The following FSTL4 variants were observed in gnomAD, a reference collection of about 807,000 sequenced individuals.
FSTL4 encodes the protein follistatin-related protein 4.
FSTL4 carries 28 observed loss-of-function variants against 78.2 expected under a neutral mutation model. The observed-to-expected ratio is 0.36, with a 90% confidence interval of 0.27 to 0.49. The LOEUF is 0.49. Among genes scored for constraint, FSTL4 ranks in the 20% least tolerant of loss-of-function variants. The probability of loss-of-function intolerance (pLI) is 0.98; values close to 1 mark genes in which losing one functional copy is unlikely to be tolerated. For missense variants in FSTL4, 922 were observed against 1,084.9 expected, an observed-to-expected ratio of 0.85 and a Z score of 2.11; for synonymous variants, 422 against 440.5, an observed-to-expected ratio of 0.96 and a Z score of 0.53.
At chr5:133,206,158 A>C (rs751306041) in intron 14 of FSTL4, among the ~76,000 whole-genome samples, 7 of 148,474 alleles carry the variant, frequency 4.7e-5, no homozygotes, top group Non-Finnish European at 8.9e-5. Flanking sequence ...TTCAAGTAAA[A>C]TTATCTATAT....
At chr5:133,565,198 C>T (rs1760000524) in intron 3 of FSTL4, among the ~76,000 whole-genome samples, 1 of 152,152 alleles carries the variant, frequency 6.6e-6, no homozygotes, top group Non-Finnish European at 1.5e-5. Flanking sequence ...GGGAACCAAC[C>T]CAGGTGTTCA....
chr5:133,716,072 G>T, the FSTL4 span, among the ~76,000 whole-genome samples: 1 of 152,162 alleles, frequency 6.6e-6, no homozygotes, highest in African/African-American at 2.4e-5. Context: ...AGCAAGTACT[G>T]GTTCAAATGC....
chr5:133,438,850 C>T (rs527284303), intron 3 of FSTL4, among the ~76,000 whole-genome samples: 1 of 152,308 alleles, frequency 6.6e-6, no homozygotes, highest in East Asian at 1.9e-4. Context: ...AGGTATCTGG[C>T]TGCAGGCTAA....
At chr5:133,560,024 A>G (rs778086430) in intron 3 of FSTL4, among the ~76,000 whole-genome samples, 77 of 152,124 alleles carry the variant, frequency 5.1e-4, no homozygotes, top group Non-Finnish European at 7.4e-4. Flanking sequence ...GGCATCTAAC[A>G]CTTTTTCAGT....
At chr5:133,651,862 A>G in the FSTL4 span, among the ~76,000 whole-genome samples, 25 of 152,144 alleles carry the variant, frequency 1.6e-4, no homozygotes, top group East Asian at 4.4e-3. Context: ...AACTTTATAT[A>G]ATTTTTTCCT....
At chr5:133,354,424 C>T (rs1164296103) in intron 4 of FSTL4, among the ~76,000 whole-genome samples, 1 of 152,202 alleles carries the variant, frequency 6.6e-6, no homozygotes, top group Non-Finnish European at 1.5e-5. Context: ...GAAGCTCCTC[C>T]AGCTCAGCCC....
chr5:133,486,104 C>G (rs189432076), intron 3 of FSTL4, among the ~76,000 whole-genome samples: 2 of 151,990 alleles, frequency 1.3e-5, no homozygotes, highest in African/African-American at 4.8e-5. Context: ...AAAACACGGG[C>G]TCATGGAGGA....
chr5:133,598,737 G>T lies in FSTL4; in HGVS notation c.126+5121C>A, dbSNP rs151248147. Among the ~76,000 whole-genome samples the T allele has an allele frequency of 7.0e-4, 106 of 152,312 alleles. 1 individual carries two copies. The highest frequency in any genetic ancestry group is 1.1e-3 in the Non-Finnish European group (78 of 68,028). On this transcript the variant is annotated intron_variant, in intron 2 of 15. Transcript: ENST00000265342. ...TTATCCCAGGGTCCACGGCCCTGGG[G>T]AGACCATTCTCGCCTCTTGCTGAGA...
chr5:133,524,409 T>G (rs1759047249), intron 3 of FSTL4, among the ~76,000 whole-genome samples: 5 of 151,920 alleles, frequency 3.3e-5, no homozygotes, highest in Admixed American at 6.6e-5. Flanking sequence ...AGAGCCAGAG[T>G]CACAGCCTCT....
chr5:133,399,057 C>T (rs1474887869), intron 4 of FSTL4, among the ~76,000 whole-genome samples: 1 of 152,172 alleles, frequency 6.6e-6, no homozygotes, highest in Non-Finnish European at 1.5e-5. Context: ...GCTGGTTTTT[C>T]CCTCCCATTA....
At chr5:133,308,949 A>G (rs1168001590) in intron 6 of FSTL4, among the ~76,000 whole-genome samples, 1 of 152,202 alleles carries the variant, frequency 6.6e-6, no homozygotes, top group Non-Finnish European at 1.5e-5. Flanking sequence ...TTGATCTCAT[A>G]GGAGTAATTA....
Position 133,551,131 on chromosome 5 carries a change from T to C in FSTL4, c.160+16055A>G, listed in dbSNP as rs192999753. Among the ~76,000 whole-genome samples the C allele has an allele frequency of 1.3e-3, 195 of 152,260 alleles. 3 individuals carry two copies. Among genetic ancestry groups the C allele is most frequent in the African/African-American group, 4.5e-3 (185 of 41,564 alleles). ...AAGTTCTTTCATAGCAGTCAAGCAA[T>C]TGGGAATGAACCATCCTAAAGACAA... On this transcript the variant is annotated intron_variant, in intron 3 of 15. Transcript: ENST00000265342.
intron 3 of FSTL4, among the ~76,000 whole-genome samples, chr5:133,530,461 G>C (rs1367386648): frequency 6.6e-6 from 1 of 152,232 alleles, no homozygotes; most frequent in African/African-American, 2.4e-5. Flanking sequence ...TCAGTCACGT[G>C]ACATGCATTG....
At chr5:133,364,784 CA>C (rs1335011910) in intron 4 of FSTL4, among the ~76,000 whole-genome samples, 3 of 152,170 alleles carry the variant, frequency 2.0e-5, no homozygotes, top group Non-Finnish European at 4.4e-5. Flanking sequence ...CCCTTATCTC[CA>C]AAGCCCACCG....
intron 6 of FSTL4, among the ~76,000 whole-genome samples, chr5:133,298,489 G>A (rs1753459878): frequency 6.6e-6 from 1 of 152,186 alleles, no homozygotes; most frequent in African/African-American, 2.4e-5. Flanking sequence ...CTTTTCCCAG[G>A]GCTCAGTCCA....
At chr5:133,412,296 G>A (rs1756491849) in intron 3 of FSTL4, among the ~76,000 whole-genome samples, 1 of 152,016 alleles carries the variant, frequency 6.6e-6, no homozygotes, top group South Asian at 2.1e-4. Context: ...ATCAACCTAG[G>A]AAAAGGCAAA....
chr5:133,739,609 C>G, the FSTL4 span, among the ~76,000 whole-genome samples: 3 of 152,188 alleles, frequency 2.0e-5, no homozygotes, highest in Non-Finnish European at 4.4e-5. Flanking sequence ...AGGAGCCCGC[C>G]TAAATCTTCA....
intron 4 of FSTL4, among the ~76,000 whole-genome samples, chr5:133,324,563 C>A (rs1361389972): frequency 1.3e-5 from 2 of 152,270 alleles, no homozygotes; most frequent in Non-Finnish European, 2.9e-5. Context: ...CCTTCAATTT[C>A]TGTGACTTTT....
At chr5:133,806,494 A>C in the FSTL4 span, among the ~76,000 whole-genome samples, 1 of 152,216 alleles carries the variant, frequency 6.6e-6, no homozygotes, top group Admixed American at 6.5e-5. Context: ...TCCTTATCAC[A>C]GTATATTTTG....
Sources: gnomAD v4.1 joint callset for allele counts (sites outside exome capture counted in the v4.1 genomes callset) on GRCh38, gnomAD v4.1.1 for gene constraint, MANE v1.5 for transcripts, NCBI Gene and HGNC (gene_info 2026-07-23, HGNC 2026-07-21) for gene names.